CSMD1: variants seen among roughly 807,000 people sequenced by gnomAD.
CSMD1 encodes the protein CUB and Sushi multiple domains 1, also known as CUB and sushi domain-containing protein 1.
Under a neutral mutation model 417.5 loss-of-function variants are expected in CSMD1, and 213 were observed. The observed-to-expected ratio is 0.51, with a 90% CI of 0.46 to 0.57. The LOEUF is 0.57. CSMD1 is among the 20% of genes least tolerant of loss of function. The probability of loss-of-function intolerance (pLI) is 0.00; values close to 1 mark genes in which losing one functional copy is unlikely to be tolerated. For missense variants in CSMD1, 6,923 were observed against 4,529.7 expected (o/e 1.53, Z -15.17); for synonymous variants, 2,862 against 1,736.8 (o/e 1.65, Z -16.11).
intron 49 of CSMD1, among the ~76,000 whole-genome samples, chr8:3,073,394 T>C (rs1813441855): frequency 6.6e-6 from 1 of 152,064 alleles, no homozygotes; most frequent in Non-Finnish European, 1.5e-5. Flanking sequence ...TAAATGACAC[T>C]CAGAAAACTG....
chr8:4,008,823 G>T (rs1244277956), intron 4 of CSMD1, among the ~76,000 whole-genome samples: 1 of 151,730 alleles, frequency 6.6e-6, no homozygotes, highest in Non-Finnish European at 1.5e-5. Flanking sequence ...TGTTAGCCAG[G>T]ATGGTCTCGA....
At chr8:4,054,759 G>A (rs746735211) in intron 3 of CSMD1, among the ~76,000 whole-genome samples, 4 of 152,106 alleles carry the variant, frequency 2.6e-5, no homozygotes, top group Admixed American at 6.6e-5. Context: ...TTCTCTGGGG[G>A]TTGATGATGA....
chr8:3,272,097 T>A (rs1470744760), intron 26 of CSMD1, among the ~76,000 whole-genome samples: 2 of 148,574 alleles, frequency 1.3e-5, no homozygotes, highest in Non-Finnish European at 3.0e-5. Context: ...CATCTTGAAT[T>A]GATTTTTGTA....
intron 5 of CSMD1, among the ~76,000 whole-genome samples, chr8:3,987,883 A>T (rs1290651024): frequency 6.6e-6 from 1 of 152,200 alleles, no homozygotes; most frequent in African/African-American, 2.4e-5. Context: ...TGTTTGGCAC[A>T]TTGCAACATC....
chr8:4,430,942 C>G lies in CSMD1; in HGVS notation c.303-10877G>C, dbSNP rs191795305. On this transcript the variant is annotated intron_variant, in intron 2 of 69. Transcript: ENST00000635120. ...TATCTTAACAGTGTAAAATTCACTA[C>G]TAGAATTTTTATATCAAGATGTCCT... 4.3e-3 allele frequency among the ~76,000 whole-genome samples: 653 copies of G among 152,260 alleles called. 3 individuals carry two copies. The highest frequency in any genetic ancestry group is 7.2e-3 in the Non-Finnish European group (489 of 68,026).
At chr8:4,573,929 G>A (rs536879367) in intron 2 of CSMD1, among the ~76,000 whole-genome samples, 2 of 152,260 alleles carry the variant, frequency 1.3e-5, no homozygotes, top group East Asian at 3.9e-4. Context: ...CTGTGAGGGG[G>A]AAACCACCTA....
chr8:3,595,599 G>T (rs536567261), intron 8 of CSMD1, among the ~76,000 whole-genome samples: 1 of 152,242 alleles, frequency 6.6e-6, no homozygotes, highest in South Asian at 2.1e-4. Flanking sequence ...ATATAGGATG[G>T]TTCCAGGGTA....
At chr8:3,014,670 T>A (rs529225038) in intron 52 of CSMD1, among the ~76,000 whole-genome samples, 4 of 152,300 alleles carry the variant, frequency 2.6e-5, no homozygotes, top group African/African-American at 7.2e-5. Context: ...CCCAGCACTT[T>A]GGGAACCTAA....
At chr8:3,658,301 A>C (rs142417649) in intron 7 of CSMD1, among the ~76,000 whole-genome samples, 1 of 152,080 alleles carries the variant, frequency 6.6e-6, no homozygotes, top group African/African-American at 2.4e-5. Context: ...GTGTATAAAC[A>C]ATGGATTTAG....
In CSMD1 at chr8:3,679,906, G is replaced by C. The variant is rs111227645; in HGVS notation, c.1009+28508C>G. ...TCACTCAAAACCACACAACTACTTG[G>C]AAACTGAACAACTTGCTCCTGAATG... On this transcript the variant is annotated intron_variant, in intron 7 of 69. Transcript: ENST00000635120. Among the ~76,000 whole-genome samples the C allele has an allele frequency of 2.0e-3, 299 of 152,232 alleles. 3 individuals carry two copies. Among genetic ancestry groups the C allele is most frequent in the African/African-American group, 6.9e-3 (285 of 41,532 alleles).
chr8:2,995,459 G>C (rs1235879194), intron 54 of CSMD1, among the ~76,000 whole-genome samples: 2 of 152,162 alleles, frequency 1.3e-5, no homozygotes, highest in Non-Finnish European at 2.9e-5. Flanking sequence ...ATGACAAATA[G>C]TACCGCCATG....
intron 1 of CSMD1, among the ~76,000 whole-genome samples, chr8:4,676,927 G>C (rs1805723100): frequency 1.4e-5 from 2 of 147,310 alleles, no homozygotes; most frequent in South Asian, 2.1e-4. Context: ...TACATAGAGA[G>C]AGATGATATA....
At chr8:4,210,146 C>A (rs953982021) in intron 3 of CSMD1, among the ~76,000 whole-genome samples, 1 of 152,218 alleles carries the variant, frequency 6.6e-6, no homozygotes, top group Non-Finnish European at 1.5e-5. Flanking sequence ...TTTCTCCTGT[C>A]ACTGTGTGTC....
In CSMD1 at chr8:4,418,697, T is replaced by C. The variant is rs181387234; in HGVS notation, c.415+1256A>G. On this transcript the variant is annotated intron_variant, in intron 3 of 69. Transcript: ENST00000635120. Reference sequence around the variant, plus strand: ...TGAATTTAGAGTTTATATGAAGTGGTACATTGATATCATCAATGATACAAT... The same window carrying C: ...TGAATTTAGAGTTTATATGAAGTGGCACATTGATATCATCAATGATACAAT... 3.1e-3 allele frequency among the ~76,000 whole-genome samples: 466 copies of C among 152,320 alleles called. 1 individual carries two copies. The highest frequency in any genetic ancestry group is 0.011 in the African/African-American group (442 of 41,576).
At chr8:4,469,860 T>C (rs1194406085) in intron 2 of CSMD1, among the ~76,000 whole-genome samples, 2 of 148,696 alleles carry the variant, frequency 1.3e-5, no homozygotes, top group Admixed American at 6.7e-5. Context: ...ATCTGGCCTT[T>C]GGTTTTCCTT....
At chr8:4,423,784 G>T (rs1797390801) in intron 2 of CSMD1, among the ~76,000 whole-genome samples, 1 of 151,912 alleles carries the variant, frequency 6.6e-6, no homozygotes, top group African/African-American at 2.4e-5. Flanking sequence ...GAATAAAGCA[G>T]GAGAAACAGT....
chr8:3,983,464 C>G (rs1814059080), intron 5 of CSMD1, among the ~76,000 whole-genome samples: 1 of 152,068 alleles, frequency 6.6e-6, no homozygotes, highest in Admixed American at 6.5e-5. Flanking sequence ...CTATAAGTCA[C>G]CAGGGTAGAT....
At chr8:3,838,996 T>G (rs1802916022) in intron 5 of CSMD1, among the ~76,000 whole-genome samples, 1 of 126,138 alleles carries the variant, frequency 7.9e-6, no homozygotes, top group African/African-American at 2.9e-5. Flanking sequence ...TATCATATAA[T>G]TATAATATTA....
intron 5 of CSMD1, among the ~76,000 whole-genome samples, chr8:3,792,779 C>G (rs1799823090): frequency 6.6e-6 from 1 of 152,192 alleles, no homozygotes; most frequent in Admixed American, 6.5e-5. Flanking sequence ...CATGCTCTCT[C>G]TCACAATTTA....
Sources: allele counts gnomAD v4.1 joint callset (sites outside exome capture counted in the v4.1 genomes callset), GRCh38; gene constraint gnomAD v4.1.1; transcripts MANE v1.5; gene names NCBI Gene and HGNC (gene_info 2026-07-23, HGNC 2026-07-21).